Variants in SHANK1 observed in about 807,000 individuals in gnomAD.
The protein encoded by SHANK1 is SH3 and multiple ankyrin repeat domains 1, also known as SH3 and multiple ankyrin repeat domains protein 1.
Under a neutral mutation model 165.6 loss-of-function variants are expected in SHANK1, and 35 were observed. That is an observed-to-expected ratio of 0.21 (90% confidence interval 0.16 to 0.28). SHANK1 has a LOEUF of 0.28. Ranked by LOEUF, SHANK1 falls within the 10% of genes least tolerant of loss-of-function variation. SHANK1 has a pLI of 1.00. For missense variants in SHANK1, 2,681 were observed against 3,036.4 expected (o/e 0.88, Z 2.75); for synonymous variants, 1,428 against 1,384.8 (o/e 1.03, Z -0.69).
chr19:50,710,275 T>C (rs1224467959), intron 8 of SHANK1, among the ~76,000 whole-genome samples: 1 of 152,226 alleles, frequency 6.6e-6, no homozygotes. Context: ...GGCATACTGC[T>C]GGCTGCCACA....
intron 8 of SHANK1, among the ~76,000 whole-genome samples, chr19:50,707,886 C>CTTTTCTTTTCTTTTCTT (rs1371903007): frequency 5.7e-5 from 1 of 17,640 alleles, no homozygotes; most frequent in South Asian, 2.3e-3. Flanking sequence ...TTTTTCTTTT[C>CTTTTCTTTTCTTTTCTT]TTTTCTTTTC....
rs549254946 is a variant in SHANK1 at position 50,704,474 on chromosome 19, T to C, written c.1118A>G (p.Lys373Arg). Reference sequence around the variant, plus strand: ...CTGTCCGTTGTTGTTCTTCACATCCTTGTCGGCACCTCGATACAGGAGGAT... The same window carrying C: ...CTGTCCGTTGTTGTTCTTCACATCCCTGTCGGCACCTCGATACAGGAGGAT... ...ARILLYRGAD[K>R]DVKNNNGQTP... The change falls in exon 9 of 24, where the codon AAG (lysine) becomes AGG (arginine). Residue 373 changes from lysine to arginine, a missense_variant. Transcript: ENST00000293441. 2.5e-6 allele frequency: 4 copies of C among 1,614,114 alleles called. No individual in the cohort carries two copies. The African/African-American group carries it at 5.3e-5, about 22-fold the overall frequency.
At chr19:50,665,737 TAA>T (rs71182756) in intron 23 of SHANK1, among the ~76,000 whole-genome samples, 3 of 98,158 alleles carry the variant, frequency 3.1e-5, no homozygotes, top group Non-Finnish European at 1.9e-5. Context: ...ACCCTGTTTC[TAA>T]AAAAAAAAAA....
Position 50,697,783 on chromosome 19 carries a change from G to C in SHANK1, c.1861+60C>G. The C allele has an allele frequency of 6.6e-7, 1 of 1,526,236 alleles. No individual in the cohort carries two copies. Among genetic ancestry groups the C allele is most frequent in the Non-Finnish European group, 9.1e-7 (1 of 1,101,852 alleles). 94.5% of individuals were successfully genotyped at this position (1,526,236 alleles called of 1,614,324 possible). ...CAGTACCCCACCCCCATTAGGAAGG[G>C]AAAGGAGTGGACGTGGGAATCCTAG... On this transcript the variant is annotated intron_variant, in intron 13 of 23. Transcript: ENST00000293441. The surrounding 1 kb of genome is among the most constrained non-coding windows in gnomAD (Gnocchi z 4.7).
intron 15 of SHANK1, among the ~76,000 whole-genome samples, chr19:50,694,345 A>G (rs1986653521): frequency 6.7e-6 from 1 of 148,322 alleles, no homozygotes; most frequent in South Asian, 2.2e-4. Context: ...TGGAGGGGGG[A>G]TGACTGTGAA....
At chr19:50,674,867 G>A (rs1247980238) in intron 21 of SHANK1, among the ~76,000 whole-genome samples, 1 of 152,004 alleles carries the variant, frequency 6.6e-6, no homozygotes, top group East Asian at 1.9e-4. Context: ...TTCGAAACCA[G>A]CCTGGCCAAC....
intron 15 of SHANK1, among the ~76,000 whole-genome samples, chr19:50,693,442 C>A (rs542433750): frequency 2.0e-5 from 3 of 151,754 alleles, no homozygotes; most frequent in African/African-American, 7.3e-5. Flanking sequence ...TGACTACCTG[C>A]CCTGCAGGAG....
intron 21 of SHANK1, among the ~76,000 whole-genome samples, chr19:50,683,721 C>T (rs1174594573): frequency 2.0e-5 from 3 of 152,158 alleles, no homozygotes; most frequent in African/African-American, 4.8e-5. Flanking sequence ...CGTTCAGCCT[C>T]GTCTGGGAAC....
At chr19:50,708,010 C>T (rs1012539064) in intron 8 of SHANK1, among the ~76,000 whole-genome samples, 8 of 150,104 alleles carry the variant, frequency 5.3e-5, no homozygotes, top group East Asian at 2.0e-4. Context: ...TGCAATGGCG[C>T]GATCTCAGCT....
At position 50,704,184 on chromosome 19, in the gene SHANK1, C is replaced by T; in HGVS notation, c.1158G>A (p.Val386=). 6.2e-7 allele frequency: 1 copy of T among 1,613,862 alleles called. No homozygotes were observed. Among genetic ancestry groups the T allele is most frequent in the South Asian group, 1.1e-5 (1 of 91,044 alleles). The change falls in exon 10 of 24, where the codon GTG becomes GTA. Residue 386 remains valine, a splice_region_variant and synonymous_variant. Transcript: ENST00000293441. ...GCTCAAAATTCCCAGCAATCACTGCCACCTGGAGGGAGGGGGTAGAGGCAG... is the reference window on the plus strand; with the variant it reads ...GCTCAAAATTCCCAGCAATCACTGCTACCTGGAGGGAGGGGGTAGAGGCAG... The part of the protein sequence containing the change: ...KNNNGQTPFQ[V]AVIAGNFELG...
In SHANK1 at chr19:50,675,061, C is replaced by CAAA. The variant is rs10560370; in HGVS notation, c.2578-2950_2578-2948dup. On this transcript the variant is annotated intron_variant, in intron 21 of 23. Transcript: ENST00000293441. ...TGGGTGATAGAGCAACACTCGGTCT[C>CAAA]AAAAAAAAAAAAAAAAAAAAAAAAT... is the stretch of plus-strand genomic sequence containing the variant. 3.5e-4 allele frequency among the ~76,000 whole-genome samples: 30 copies of CAAA among 85,690 alleles called. 1 individual carries two copies. The highest frequency in any genetic ancestry group is 1.8e-3 in the South Asian group (4 of 2,228). 56.2% of individuals were successfully genotyped at this position (85,690 alleles called of 152,430 possible).
Position 50,687,949 on chromosome 19 carries a change from T to C in SHANK1, c.2282A>G (p.Asp761Gly), listed in dbSNP as rs1986412050. 1.2e-6 allele frequency: 2 copies of C among 1,614,076 alleles called. No homozygotes were observed. The highest frequency in any genetic ancestry group is 2.2e-5 in the East Asian group (1 of 44,874). ...VKVVMVTRHP[D>G]MDEAVHKKAP... ...TTTCTTGTGCACTGCCTCATCCATG[T>C]CCGGGTGCCTGGTGACCATCACCAC... Residue 761 changes from aspartate (D) to glycine (G), a missense_variant, in exon 18 of 24, where the codon GAC (aspartate) becomes GGC (glycine). Around this residue, in one of 10 missense-constraint regions of SHANK1, gnomAD observed 206 missense variants for 216.0 expected, o/e 0.95. Transcript: ENST00000293441.
intron 21 of SHANK1, among the ~76,000 whole-genome samples, chr19:50,682,563 G>T (rs2042540556): frequency 6.6e-6 from 1 of 152,144 alleles, no homozygotes; most frequent in South Asian, 2.1e-4. Context: ...ATCCCCATTT[G>T]TCTGTTAATA....
At chr19:50,707,026 C>T (rs2088946946) in intron 8 of SHANK1, among the ~76,000 whole-genome samples, 2 of 152,226 alleles carry the variant, frequency 1.3e-5, no homozygotes, top group Non-Finnish European at 2.9e-5. Flanking sequence ...GATCCGCCTG[C>T]CTTGGCTTCC....
rs530135809 is a variant in SHANK1 at position 50,670,314 on chromosome 19, T to C, written c.2675-1029A>G. Among the ~76,000 whole-genome samples, 4 of 152,298 alleles carry C rather than the reference T, an allele frequency of 2.6e-5. No individual in the cohort carries two copies. In the East Asian group the frequency reaches 7.7e-4, roughly 29 times the overall value. On this transcript the variant is annotated intron_variant, in intron 22 of 23. Coordinates refer to ENST00000293441, the MANE Select transcript of SHANK1 (RefSeq NM_016148.5). The surrounding 1 kb of genome is among the most constrained non-coding windows in gnomAD (Gnocchi z 4.1). ...CATCCAATCCACCAGCAAATCCTGTTGTTTCAAAACATATCCGGAATCCAA... is the reference window on the plus strand; with the variant it reads ...CATCCAATCCACCAGCAAATCCTGTCGTTTCAAAACATATCCGGAATCCAA...
chr19:50,707,013 G>A (rs1281357325), intron 8 of SHANK1, among the ~76,000 whole-genome samples: 1 of 152,144 alleles, frequency 6.6e-6, no homozygotes, highest in Non-Finnish European at 1.5e-5. Context: ...CCCAACCTCA[G>A]GTGATCCGCC....
At position 50,672,082 on chromosome 19, in the gene SHANK1, T is replaced by C. The variant is rs780959293; in HGVS notation, c.2610A>G (p.Pro870=). 1 of 1,613,952 alleles carries C rather than the reference T, an allele frequency of 6.2e-7. No homozygotes were observed. Among genetic ancestry groups the C allele is most frequent in the Non-Finnish European group, 8.5e-7 (1 of 1,179,974 alleles). Residue 870 remains proline (P), a synonymous_variant, in exon 22 of 24, where the codon CCA becomes CCG. Transcript: ENST00000293441. The part of the protein sequence containing the change: ...SSFDPHHRAQ[P]SYERPSFLPP... ...GCAGGAAAGAAGGACGCTCGTAACT[T>C]GGCTGGGCACGGTGGTGGGGATCGA...
In SHANK1 at chr19:50,697,551, G is replaced by T. The variant is rs1425974250; in HGVS notation, c.1937+38C>A. The T allele has an allele frequency of 6.1e-6, 9 of 1,470,296 alleles. No individual in the cohort carries two copies. Among genetic ancestry groups the T allele is most frequent in the Non-Finnish European group, 8.6e-6 (9 of 1,049,142 alleles). The allele number at this position is 1,470,296 out of a possible 1,614,324, so 91.1% of individuals were successfully genotyped here. A position where few individuals can be genotyped will look rare whatever the true frequency, so the allele number is the denominator to read the frequency against. On this transcript the variant is annotated intron_variant, in intron 14 of 23. Transcript: ENST00000293441. The surrounding 1 kb of genome is among the most constrained non-coding windows in gnomAD (Gnocchi z 4.7). Reference sequence around the variant, plus strand: ...AGGTGTACATTGTGAAGGGAACTTGGGGTGAGGGGGGTTGCCCGAGGGTGT... The same window carrying T: ...AGGTGTACATTGTGAAGGGAACTTGTGGTGAGGGGGGTTGCCCGAGGGTGT...
intron 21 of SHANK1, among the ~76,000 whole-genome samples, chr19:50,676,245 G>T (rs112960479): frequency 5.7e-4 from 86 of 152,162 alleles, no homozygotes; most frequent in African/African-American, 2.0e-3. Flanking sequence ...TGAGGCTGCA[G>T]TGAGCTATGA....
Sources: gnomAD v4.1 joint callset for allele counts (sites outside exome capture counted in the v4.1 genomes callset) on GRCh38, gnomAD v4.1.1 for gene constraint, gnomAD v4.1.1 regional missense constraint, Gnocchi (gnomAD v3.1) non-coding constraint, MANE v1.5 for transcripts, NCBI Gene and HGNC (gene_info 2026-07-23, HGNC 2026-07-21) for gene names.